CDHR1: variants seen among roughly 807,000 people sequenced by gnomAD.
CDHR1 encodes cadherin related family member 1.
A neutral mutation model predicts 72.1 loss-of-function variants in CDHR1; 61 were observed. That is an observed-to-expected ratio of 0.85 (90% CI 0.69 to 1.05). CDHR1 has a LOEUF of 1.05. Among genes scored for constraint, CDHR1 ranks in the 50% least tolerant of loss-of-function variants. The probability of loss-of-function intolerance (pLI) is 0.00; values close to 1 mark genes in which losing one functional copy is unlikely to be tolerated. For missense variants in CDHR1, 1,186 were observed against 1,115.7 expected (o/e 1.06, Z -0.90); for synonymous variants, 470 against 448.1 (o/e 1.05, Z -0.62).
In CDHR1 at chr10:84,202,964, T is replaced by C. The variant is rs7073214; in HGVS notation, c.640-16T>C. The C allele has an allele frequency of 5.2e-3, 8,415 of 1,614,130 alleles. 342 individuals are homozygous for C. The African/African-American group carries it at 0.092, about 18-fold the overall frequency. Reference sequence around the variant, plus strand: ...AACTTGTCTTCACTCTCCTGTGGCCTCCGATTCTTCTGCAGGATGGCGGTG... The same window carrying C: ...AACTTGTCTTCACTCTCCTGTGGCCCCCGATTCTTCTGCAGGATGGCGGTG... On this transcript the variant is annotated splice_polypyrimidine_tract_variant and intron_variant, in intron 7 of 16. Coordinates refer to ENST00000623527, the MANE Select transcript of CDHR1 (RefSeq NM_033100.4).
chr10:84,202,720 C>A (rs906055272), intron 7 of CDHR1, among the ~76,000 whole-genome samples: 3 of 152,186 alleles, frequency 2.0e-5, no homozygotes, highest in Non-Finnish European at 2.9e-5. Flanking sequence ...GCTCTGAATG[C>A]CCCCTCTCCT....
At chr10:84,197,112 C>A (rs891436043) in intron 3 of CDHR1, among the ~76,000 whole-genome samples, 16 of 152,160 alleles carry the variant, frequency 1.1e-4, no homozygotes, top group African/African-American at 3.9e-4. Context: ...AGGGCATGGG[C>A]TTTTTCAGAC....
intron 10 of CDHR1, 88 bp downstream of exon 10, chr10:84,206,015 GC>G: frequency 1.0e-6 from 1 of 967,492 alleles, no homozygotes; most frequent in Non-Finnish European, 1.6e-6. Context: ...TTTTCCTGGG[GC>G]CCATAGTCTG....
chr10:84,205,158 A>C (rs948878327), intron 9 of CDHR1, among the ~76,000 whole-genome samples: 4 of 152,176 alleles, frequency 2.6e-5, no homozygotes, highest in Non-Finnish European at 4.4e-5. Context: ...CAACTGAGCC[A>C]GATGAGCTGT....
Position 84,197,160 on chromosome 10 carries a change from C to T in CDHR1, c.297+510C>T, listed in dbSNP as rs140824011. On this transcript the variant is annotated intron_variant, in intron 3 of 16. Transcript: ENST00000623527. ...TGGTGTGTGGCTAACTGGACCTCAG[C>T]TGTGGGGATGCTGCCAGCTCGTGAC... is the stretch of plus-strand genomic sequence containing the variant. Among the ~76,000 whole-genome samples the T allele has an allele frequency of 9.4e-3, 1,431 of 152,232 alleles. 15 individuals carry two copies. Among genetic ancestry groups the T allele is most frequent in the African/African-American group, 0.032 (1,329 of 41,508 alleles).
chr10:84,200,526 A>C, intron 5 of CDHR1, 75 bp from the exon 6 acceptor site: 1 of 961,470 alleles, frequency 1.0e-6, no homozygotes, highest in Non-Finnish European at 1.7e-6. Flanking sequence ...CCACTGCTGC[A>C]TGCCCCTATG....
chr10:84,211,272 C>A, intron 13 of CDHR1, 107 bp downstream of exon 13: 1 of 1,220,530 alleles, frequency 8.2e-7, no homozygotes, highest in South Asian at 1.3e-5. Context: ...CACTCATTAG[C>A]TGTCCTTGGA....
intron 2 of CDHR1, 112 bp downstream of exon 2, chr10:84,195,701 C>T: frequency 3.5e-6 from 3 of 847,990 alleles, no homozygotes; most frequent in Non-Finnish European, 2.0e-6. Flanking sequence ...CCGGGGGCTC[C>T]TTGTTTGCTC....
intron 16 of CDHR1, 53 bp from the exon 17 acceptor site, chr10:84,214,029 C>T (rs1589309113): frequency 1.2e-6 from 2 of 1,612,724 alleles, no homozygotes; most frequent in Non-Finnish European, 1.7e-6. Flanking sequence ...CTACTCTGTA[C>T]TCCAGGGACC....
At chr10:84,208,042 C>T (rs1282402540) in intron 10 of CDHR1, 132 bp from the exon 11 acceptor site, 3 of 763,216 alleles carry the variant, frequency 3.9e-6, no homozygotes, top group Admixed American at 1.9e-5. Context: ...CATATATTAT[C>T]AGTTAGAACC....
At position 84,208,197 on chromosome 10, in the gene CDHR1, G is replaced by T; in HGVS notation, c.987G>T (p.Gly329=). 6.2e-7 allele frequency: 1 copy of T among 1,614,126 alleles called. No individual in the cohort carries two copies. The highest frequency in any genetic ancestry group is 8.5e-7 in the Non-Finnish European group (1 of 1,180,040). ...HVQVTEMSPA[G]SPAAQATVPV... ...AGGTGACTGAAATGAGCCCTGCGGG[G>T]AGCCCAGCTGCCCAGGCCACCGTCC... The change falls in exon 11 of 17, where the codon GGG becomes GGT. Residue 329 remains glycine (G), a synonymous_variant. Transcript: ENST00000623527.
In CDHR1 at chr10:84,215,446, G is replaced by A. The variant is rs1358378357; in HGVS notation, c.*825G>A. The A allele has an allele frequency of 2.0e-6, 2 of 985,330 alleles. No homozygotes were observed. The highest frequency in any genetic ancestry group is 2.4e-6 in the Non-Finnish European group (2 of 829,936). The allele number at this position is 985,330 out of a possible 1,614,324, so 61.0% of individuals were successfully genotyped here. ...AGCTGCCCCACCAGCCATCCTTGAA[G>A]AGACAATTCAGGGCAGTTGATGAAT... On this transcript the variant is annotated 3_prime_UTR_variant, in exon 17 of 17. Transcript: ENST00000623527.
chr10:84,198,607 C>G (rs1340979904), intron 4 of CDHR1, among the ~76,000 whole-genome samples: 4 of 152,244 alleles, frequency 2.6e-5, no homozygotes, highest in African/African-American at 9.6e-5. Flanking sequence ...AGCCCACCTG[C>G]TCTCCACCAC....
At chr10:84,197,180 C>T (rs528215223) in intron 3 of CDHR1, among the ~76,000 whole-genome samples, 5 of 152,186 alleles carry the variant, frequency 3.3e-5, no homozygotes, top group South Asian at 2.1e-4. Context: ...GCTGCCAGCT[C>T]GTGACAGCCT....
chr10:84,214,851 T>A lies in CDHR1; in HGVS notation c.*230T>A, dbSNP rs1238926856. 1 of 1,459,010 alleles carries A rather than the reference T, an allele frequency of 6.9e-7. No individual in the cohort carries two copies. Among genetic ancestry groups the A allele is most frequent in the Middle Eastern group, 2.5e-4 (1 of 4,008 alleles). 90.4% of individuals were successfully genotyped at this position (1,459,010 alleles called of 1,614,324 possible). ...CAAGACATTGGGCTCTAGGATGCAA[T>A]TGGCAAATACGTCCCCGTTACTCAA... On this transcript the variant is annotated 3_prime_UTR_variant, in exon 17 of 17. Transcript: ENST00000623527.
chr10:84,209,862 A>G (rs1045710652), intron 12 of CDHR1, among the ~76,000 whole-genome samples: 8 of 152,264 alleles, frequency 5.3e-5, no homozygotes, highest in African/African-American at 1.9e-4. Flanking sequence ...AATTTCACAA[A>G]GAGACATAAA....
chr10:84,212,252 A>C lies in CDHR1; in HGVS notation c.1627A>C (p.Arg543=), dbSNP rs760730346. The C allele has an allele frequency of 1.9e-6, 3 of 1,614,246 alleles. No individual in the cohort carries two copies. Among genetic ancestry groups the C allele is most frequent in the Non-Finnish European group, 2.5e-6 (3 of 1,180,040 alleles). ...TAGCCTGGACGCTGAGGCCACTGCC[A>C]GGTACAACTTCTATGTGAAGGCAGA... The part of the protein sequence containing the change: ...WASLDAEATA[R]YNFYVKAEDM... Residue 543 remains arginine, a synonymous_variant, in exon 15 of 17, where the codon AGG becomes CGG. Transcript: ENST00000623527.
intron 10 of CDHR1, among the ~76,000 whole-genome samples, chr10:84,207,103 CTT>C (rs1279411142): frequency 6.6e-6 from 1 of 152,170 alleles, no homozygotes; most frequent in South Asian, 2.1e-4. Flanking sequence ...AACATCAAAA[CTT>C]GGGCATACAG....
chr10:84,210,458 G>A (rs1017391457), intron 12 of CDHR1, among the ~76,000 whole-genome samples: 1 of 151,946 alleles, frequency 6.6e-6, no homozygotes, highest in East Asian at 1.9e-4. Context: ...TAGAAATGGG[G>A]GTTTCACCAT....
Sources: gnomAD v4.1 joint callset for allele counts (sites outside exome capture counted in the v4.1 genomes callset) on GRCh38, gnomAD v4.1.1 for gene constraint, MANE v1.5 for transcripts, NCBI Gene and HGNC (gene_info 2026-07-23, HGNC 2026-07-21) for gene names.